The following NKAIN3 variants were observed in gnomAD, a reference collection of about 807,000 sequenced individuals.
NKAIN3 encodes the protein sodium/potassium-transporting ATPase subunit beta-1-interacting protein 3.
A neutral mutation model predicts 30.2 loss-of-function variants in NKAIN3; 25 were observed. The observed-to-expected ratio is 0.83, with a 90% CI of 0.60 to 1.16. The LOEUF (loss-of-function observed/expected upper bound fraction) is 1.16, where lower values mean the gene tolerates loss of function less well. Ranked by LOEUF, NKAIN3 falls within the 50% of genes most tolerant of loss-of-function variation. NKAIN3 has a pLI of 0.00. For missense variants in NKAIN3, 225 were observed against 254.1 expected, an observed-to-expected ratio of 0.89 and a Z score of 0.78; for synonymous variants, 91 against 89.6, an observed-to-expected ratio of 1.02 and a Z score of -0.09.
At chr8:62,495,403 C>A (rs1415171949) in intron 1 of NKAIN3, among the ~76,000 whole-genome samples, 1 of 151,620 alleles carries the variant, frequency 6.6e-6, no homozygotes, top group Admixed American at 6.6e-5. Flanking sequence ...GTTTAAAATG[C>A]CATCATGTTT....
chr8:62,951,121 G>A (rs1823274290), intron 5 of NKAIN3, among the ~76,000 whole-genome samples: 1 of 151,992 alleles, frequency 6.6e-6, no homozygotes, highest in Admixed American at 6.6e-5. Flanking sequence ...TACTTGGATA[G>A]GAGTAGTGGA....
chr8:62,434,751 G>A (rs925077623), intron 1 of NKAIN3, among the ~76,000 whole-genome samples: 2 of 151,782 alleles, frequency 1.3e-5, no homozygotes, highest in Non-Finnish European at 2.9e-5. Flanking sequence ...TTTGTGATTT[G>A]AAAAAAATGG....
At chr8:62,554,026 A>G (rs923686145) in intron 1 of NKAIN3, among the ~76,000 whole-genome samples, 7 of 152,180 alleles carry the variant, frequency 4.6e-5, no homozygotes, top group African/African-American at 1.7e-4. Context: ...TACAGCGATG[A>G]CTTGTGTTAG....
chr8:62,587,055 G>T (rs112197657), intron 2 of NKAIN3, among the ~76,000 whole-genome samples: 3,121 of 151,954 alleles, frequency 0.021, 124 homozygotes, highest in African/African-American at 0.072. Context: ...AATTATAAAT[G>T]AAATAACCCA....
chr8:62,590,177 G>T (rs1409775987), intron 3 of NKAIN3, among the ~76,000 whole-genome samples: 2 of 151,706 alleles, frequency 1.3e-5, no homozygotes, highest in Non-Finnish European at 3.0e-5. Context: ...GATTGATGAA[G>T]ATGTTAACGT....
At chr8:62,595,364 G>T (rs200992510) in intron 3 of NKAIN3, among the ~76,000 whole-genome samples, 2 of 143,236 alleles carry the variant, frequency 1.4e-5, no homozygotes, top group African/African-American at 5.2e-5. Flanking sequence ...ACCATTTGGG[G>T]TTTTTTGGGG....
Position 62,402,617 on chromosome 8 carries a change from G to A in NKAIN3, c.54+153490G>A, listed in dbSNP as rs147058090. ...TTGAACTTGGATCTCATTCTTCTCC[G>A]TCCTGCCGCCCTGTGAAGAAGGATT... On this transcript the variant is annotated intron_variant, in intron 1 of 6. Transcript: ENST00000623646. Among the ~76,000 whole-genome samples the A allele has an allele frequency of 4.8e-4, 73 of 152,182 alleles. 1 individual carries two copies. In the East Asian group the frequency reaches 9.1e-3, roughly 19 times the overall value.
intron 4 of NKAIN3, among the ~76,000 whole-genome samples, chr8:62,763,182 CTGAACTCCAG>C (rs1816722322): frequency 8.3e-6 from 1 of 120,952 alleles, no homozygotes; most frequent in South Asian, 2.7e-4. Context: ...GATCGAGGCA[CTGAACTCCAG>C]CCTGGGCAAC....
chr8:62,707,997 C>T (rs1814587647), intron 3 of NKAIN3, among the ~76,000 whole-genome samples: 1 of 152,004 alleles, frequency 6.6e-6, no homozygotes, highest in Non-Finnish European at 1.5e-5. Context: ...TTCCCCACTT[C>T]ATGTTTTTGT....
At chr8:62,784,630 CCAA>C (rs1423886592) in intron 4 of NKAIN3, among the ~76,000 whole-genome samples, 3 of 151,584 alleles carry the variant, frequency 2.0e-5, no homozygotes, top group Admixed American at 6.6e-5. Flanking sequence ...TAAAAATCAC[CCAA>C]CAACAACAAC....
intron 1 of NKAIN3, among the ~76,000 whole-genome samples, chr8:62,574,753 A>G (rs1274985760): frequency 6.6e-6 from 1 of 152,066 alleles, no homozygotes; most frequent in African/African-American, 2.4e-5. Flanking sequence ...CTGAGGTGAG[A>G]TCATATCTTA....
intron 3 of NKAIN3, among the ~76,000 whole-genome samples, chr8:62,639,036 A>G (rs746156018): frequency 1.1e-4 from 16 of 152,298 alleles, no homozygotes; most frequent in Non-Finnish European, 1.8e-4. Flanking sequence ...CTCTTCTTAC[A>G]TCTCAAAATT....
At chr8:62,524,081 G>A (rs1808231213) in intron 1 of NKAIN3, among the ~76,000 whole-genome samples, 1 of 151,956 alleles carries the variant, frequency 6.6e-6, no homozygotes, top group African/African-American at 2.4e-5. Flanking sequence ...TTTCTATAAT[G>A]TAGAGCTGAA....
chr8:62,743,049 T>C (rs1000809487), intron 3 of NKAIN3, among the ~76,000 whole-genome samples: 14 of 152,080 alleles, frequency 9.2e-5, no homozygotes, highest in African/African-American at 3.4e-4. Flanking sequence ...CTCAATTACC[T>C]CCAACAGGTC....
chr8:62,368,845 A>G (rs1427389540), intron 1 of NKAIN3, among the ~76,000 whole-genome samples: 1 of 151,792 alleles, frequency 6.6e-6, no homozygotes, highest in Non-Finnish European at 1.5e-5. Context: ...AACTTCCCTG[A>G]ATATGCACGT....
chr8:62,807,104 T>C (rs750203464), intron 4 of NKAIN3, among the ~76,000 whole-genome samples: 2 of 152,228 alleles, frequency 1.3e-5, no homozygotes, highest in Non-Finnish European at 2.9e-5. Context: ...GATTTTCTTT[T>C]TGTTAATTTG....
intron 3 of NKAIN3, among the ~76,000 whole-genome samples, chr8:62,629,280 T>C (rs78018757): frequency 0.038 from 5,831 of 152,232 alleles, 171 homozygotes; most frequent in African/African-American, 0.082. Context: ...TTTTTTATAT[T>C]TCCTTATCTA....
intron 1 of NKAIN3, among the ~76,000 whole-genome samples, chr8:62,501,373 G>C (rs1481521446): frequency 1.3e-5 from 2 of 152,020 alleles, no homozygotes; most frequent in Non-Finnish European, 2.9e-5. Context: ...AATAATCTAG[G>C]ATGTAACATT....
intron 4 of NKAIN3, among the ~76,000 whole-genome samples, chr8:62,847,475 TA>T (rs2130768257): frequency 6.6e-6 from 1 of 152,276 alleles, no homozygotes; most frequent in South Asian, 2.1e-4. Flanking sequence ...TGGCCACATG[TA>T]TGTCTTCCTT....
Sources: allele counts gnomAD v4.1 joint callset (sites outside exome capture counted in the v4.1 genomes callset), GRCh38; gene constraint gnomAD v4.1.1; transcripts MANE v1.5; gene names NCBI Gene and HGNC (gene_info 2026-07-23, HGNC 2026-07-21).